ITPK1: variants seen among roughly 807,000 people sequenced by gnomAD.
ITPK1 encodes the protein inositol-tetrakisphosphate 1-kinase.
A neutral mutation model predicts 45.3 loss-of-function variants in ITPK1; 21 were observed. That is an observed-to-expected ratio of 0.46 (90% CI 0.33 to 0.67). The LOEUF is 0.67. Among genes scored for constraint, ITPK1 ranks in the 30% least tolerant of loss-of-function variants. The pLI is 0.02. For synonymous variants in ITPK1, 258 were observed against 253.6 expected (o/e 1.02, Z -0.16); for missense variants, 474 against 573.5 (o/e 0.83, Z 1.77).
intron 1 of ITPK1, among the ~76,000 whole-genome samples, 184 bp from the exon 2 acceptor site, chr14:93,115,489 G>A (rs1892913739): frequency 6.7e-6 from 1 of 149,530 alleles, no homozygotes; most frequent in Admixed American, 6.6e-5. Context: ...CTGAGGCTGG[G>A]GCACGGCTGA....
At chr14:92,998,889 C>T (rs1887191198) in intron 4 of ITPK1, 1 of 152,162 alleles carries the variant, frequency 6.6e-6, no homozygotes, top group South Asian at 2.1e-4. Flanking sequence ...AAAATAAAGG[C>T]AGTGGCCACT....
At chr14:93,084,897 G>A (rs779031428) in intron 2 of ITPK1, among the ~76,000 whole-genome samples, 1 of 152,052 alleles carries the variant, frequency 6.6e-6, no homozygotes, top group Non-Finnish European at 1.5e-5. Flanking sequence ...TCCTCATCAA[G>A]AGGCAGGAAT....
intron 4 of ITPK1, among the ~76,000 whole-genome samples, chr14:93,009,995 A>T (rs1887812892): frequency 6.6e-6 from 1 of 152,192 alleles, no homozygotes; most frequent in South Asian, 2.1e-4. Context: ...AAATAATTCC[A>T]TTATCTCAGG....
intron 4 of ITPK1, among the ~76,000 whole-genome samples, chr14:93,010,649 C>A (rs1018623602): frequency 6.6e-6 from 1 of 152,224 alleles, no homozygotes; most frequent in African/African-American, 2.4e-5. Context: ...CTCACTGACT[C>A]CAATTAGGAC....
intron 5 of ITPK1, among the ~76,000 whole-genome samples, chr14:92,992,460 G>T (rs1488102586): frequency 6.6e-6 from 1 of 152,230 alleles, no homozygotes; most frequent in Non-Finnish European, 1.5e-5. Context: ...AGCAAATAAA[G>T]GCTGCTGGCA....
intron 9 of ITPK1, 43 bp downstream of exon 9, chr14:92,951,903 G>A (rs1340799692): frequency 7.4e-6 from 11 of 1,480,876 alleles, no homozygotes; most frequent in Non-Finnish European, 1.0e-5. Context: ...TAGGCCCACG[G>A]GAGGGCAGTT....
At chr14:93,104,677 T>C (rs945477773) in intron 2 of ITPK1, among the ~76,000 whole-genome samples, 1 of 152,076 alleles carries the variant, frequency 6.6e-6, no homozygotes, top group Non-Finnish European at 1.5e-5. Flanking sequence ...CCCTCAGCCA[T>C]CCTGGAGGGT....
rs540975837 is a variant in ITPK1 at position 93,034,954 on chromosome 14, C to T, written c.121-18153G>A. Among the ~76,000 whole-genome samples the T allele has an allele frequency of 2.6e-5, 4 of 152,366 alleles. No individual in the cohort carries two copies. The East Asian group carries it at 5.8e-4, about 22-fold the overall frequency. On this transcript the variant is annotated intron_variant, in intron 3 of 10. Coordinates refer to ENST00000267615, the MANE Select transcript of ITPK1 (RefSeq NM_014216.6). The surrounding 1 kb of genome is among the most constrained non-coding windows in gnomAD (Gnocchi z 4.1). ...CCAGCCCCACCCCAGGTAGCACTGA[C>T]GGGCCTGGCCTCTGGGCACCTGCAC...
chr14:93,066,074 A>G, intron 3 of ITPK1: 1 of 305,118 alleles, frequency 3.3e-6, no homozygotes, highest in Non-Finnish European at 6.6e-6. Context: ...CCACAAGTAC[A>G]TATTACTTAA....
At chr14:92,947,357 C>A (rs1176231349) in intron 9 of ITPK1, among the ~76,000 whole-genome samples, 3 of 152,244 alleles carry the variant, frequency 2.0e-5, no homozygotes, top group African/African-American at 7.2e-5. Context: ...CTCCCCTCTG[C>A]CACTCAAGTC....
chr14:93,047,838 G>A (rs1336959554), intron 3 of ITPK1, among the ~76,000 whole-genome samples: 1 of 152,240 alleles, frequency 6.6e-6, no homozygotes. Context: ...TTCCTGCAGG[G>A]CTGTTAAGCC....
chr14:92,951,199 GCTGGCTCT>G (rs1275389008), intron 9 of ITPK1, among the ~76,000 whole-genome samples: 1 of 152,232 alleles, frequency 6.6e-6, no homozygotes, highest in Non-Finnish European at 1.5e-5. Context: ...GGAAGTAGCC[GCTGGCTCT>G]CTGGACTTCG....
chr14:93,031,242 C>T (rs967080471), intron 3 of ITPK1, among the ~76,000 whole-genome samples: 4 of 151,824 alleles, frequency 2.6e-5, no homozygotes, highest in East Asian at 3.9e-4. Context: ...GCAGGGGTCC[C>T]GAGCAGAGGA....
At chr14:93,077,326 C>G (rs8005396) in intron 2 of ITPK1, among the ~76,000 whole-genome samples, 1 of 151,516 alleles carries the variant, frequency 6.6e-6, no homozygotes, top group African/African-American at 2.4e-5. Context: ...TGACCCATTT[C>G]TTTTTTTTTG....
intron 3 of ITPK1, among the ~76,000 whole-genome samples, chr14:93,022,423 C>T (rs1358237104): frequency 6.6e-6 from 1 of 152,036 alleles, no homozygotes; most frequent in Non-Finnish European, 1.5e-5. Context: ...GTGGGGCACA[C>T]TTGTAATCCC....
In ITPK1 at chr14:92,940,507, G is replaced by A; in HGVS notation, c.*1054C>T. ...GTGCTTGGGGCTTGCAATGAGAGGT[G>A]GACCAGGCCTGCTGGGTGAGGAGGG... On this transcript the variant is annotated 3_prime_UTR_variant, in exon 11 of 11. Coordinates refer to ENST00000267615, the MANE Select transcript of ITPK1 (RefSeq NM_014216.6). 5 of 1,152,596 alleles carry A rather than the reference G, an allele frequency of 4.3e-6. No homozygotes were observed. Among genetic ancestry groups the A allele is most frequent in the Non-Finnish European group, 5.4e-6 (5 of 923,244 alleles). 71.4% of individuals were successfully genotyped at this position (1,152,596 alleles called of 1,614,324 possible). A position where few individuals can be genotyped will look rare whatever the true frequency, so the allele number is the denominator to read the frequency against.
chr14:92,949,909 G>T (rs557644905), intron 9 of ITPK1, among the ~76,000 whole-genome samples: 6 of 152,170 alleles, frequency 3.9e-5, no homozygotes, highest in African/African-American at 1.4e-4. Context: ...CTGGGAAGGC[G>T]TTCATGGGTC....
At chr14:92,998,411 A>G (rs961376160) in intron 4 of ITPK1, among the ~76,000 whole-genome samples, 1 of 152,074 alleles carries the variant, frequency 6.6e-6, no homozygotes, top group African/African-American at 2.4e-5. Context: ...CAACCTCCCA[A>G]CCCCACCGGC....
chr14:92,980,284 T>C (rs1312706595), intron 5 of ITPK1, among the ~76,000 whole-genome samples: 1 of 152,194 alleles, frequency 6.6e-6, no homozygotes, highest in Non-Finnish European at 1.5e-5. Context: ...CTGACAATGT[T>C]CTTGGCTGAG....
Sources: gnomAD v4.1 joint callset for allele counts (sites outside exome capture counted in the v4.1 genomes callset) on GRCh38, gnomAD v4.1.1 for gene constraint, Gnocchi (gnomAD v3.1) non-coding constraint, MANE v1.5 for transcripts, NCBI Gene and HGNC (gene_info 2026-07-23, HGNC 2026-07-21) for gene names.